Variants in TMEM130 observed in about 807,000 individuals in gnomAD.
The protein encoded by TMEM130 is transmembrane protein 130.
In TMEM130, 37 loss-of-function variants were observed where a neutral mutation model predicts 42.9. The ratio of observed to expected loss-of-function variants is 0.86; its 90% CI spans 0.66 to 1.13. The LOEUF (loss-of-function observed/expected upper bound fraction) is 1.13. Ranked by LOEUF, TMEM130 falls within the 50% of genes most tolerant of loss-of-function variation. The pLI, the probability that TMEM130 is intolerant of heterozygous loss-of-function variation, is 0.00. For missense variants in TMEM130, 545 were observed against 562.6 expected (o/e 0.97, Z 0.32); for synonymous variants, 259 against 237.7 (o/e 1.09, Z -0.82).
intron 3 of TMEM130, 50 bp from the exon 4 acceptor site, chr7:98,856,233 C>A (rs1554399007): frequency 6.3e-7 from 1 of 1,578,862 alleles, no homozygotes; most frequent in Admixed American, 1.7e-5. Context: ...ACGGTTGCTT[C>A]CCCTTCCTGT....
chr7:98,853,212 G>C (rs545932965), intron 5 of TMEM130, among the ~76,000 whole-genome samples: 1 of 152,024 alleles, frequency 6.6e-6, no homozygotes, highest in Non-Finnish European at 1.5e-5. Context: ...CCAAAGCCCC[G>C]TGAAAACTAC....
chr7:98,868,421 C>A (rs1397547873), intron 1 of TMEM130, among the ~76,000 whole-genome samples: 3 of 152,208 alleles, frequency 2.0e-5, no homozygotes, highest in Non-Finnish European at 4.4e-5. Flanking sequence ...CCTTTTCCAG[C>A]AACACAGCAT....
At chr7:98,855,605 G>T (rs543600873) in intron 4 of TMEM130, among the ~76,000 whole-genome samples, 1 of 152,182 alleles carries the variant, frequency 6.6e-6, no homozygotes, top group African/African-American at 2.4e-5. Context: ...GCACCATCCC[G>T]TCAGCAAGAA....
chr7:98,869,140 G>A lies in TMEM130; in HGVS notation c.85+637C>T. Reference sequence around the variant, plus strand: ...GAGAGGTGGGTGCTGGCTTTCTGGCGGTGGGGAAGTGGGGGCAGTAGACAC... The same window carrying A: ...GAGAGGTGGGTGCTGGCTTTCTGGCAGTGGGGAAGTGGGGGCAGTAGACAC... On this transcript the variant is annotated intron_variant, in intron 1 of 7. Transcript: ENST00000339375. The surrounding 1 kb of genome is among the most constrained non-coding windows in gnomAD (Gnocchi z 4.7). 3.2e-6 allele frequency: 4 copies of A among 1,244,548 alleles called. No homozygotes were observed. The highest frequency in any genetic ancestry group is 2.2e-4 in the Middle Eastern group (1 of 4,490). 77.1% of individuals were successfully genotyped at this position (1,244,548 alleles called of 1,614,324 possible). A position where few individuals can be genotyped will look rare whatever the true frequency, so the allele number is the denominator to read the frequency against.
intron 4 of TMEM130, 42 bp from the exon 5 acceptor site, chr7:98,855,366 A>T: frequency 6.4e-7 from 1 of 1,572,108 alleles, no homozygotes; most frequent in East Asian, 2.3e-5. Flanking sequence ...GTGGCTAAGG[A>T]TTGCTGTCGA....
chr7:98,860,027 C>G (rs1794725685), intron 3 of TMEM130, 152 bp downstream of exon 3: 1 of 566,334 alleles, frequency 1.8e-6, no homozygotes. Flanking sequence ...CAAGATGGTA[C>G]TACTGCACTC....
intron 7 of TMEM130, 138 bp from the exon 8 acceptor site, chr7:98,848,346 C>T: frequency 4.0e-6 from 4 of 1,003,274 alleles, no homozygotes; most frequent in South Asian, 3.2e-5. Flanking sequence ...CACAGAAACA[C>T]CTTTCTGGCA....
Position 98,860,164 on chromosome 7 carries a change from G to A in TMEM130, c.551+15C>T. ...CAGTGACAGCTGTAGGGCCTGCAGAGGGGTAAGGACCTACCCGTCCCCGAA... is the reference window on the plus strand; with the variant it reads ...CAGTGACAGCTGTAGGGCCTGCAGAAGGGTAAGGACCTACCCGTCCCCGAA... On this transcript the variant is annotated intron_variant, in intron 3 of 7. Transcript: ENST00000339375. 2 of 1,608,586 alleles carry A rather than the reference G, an allele frequency of 1.2e-6. No individual in the cohort carries two copies. The highest frequency in any genetic ancestry group is 1.3e-5 in the African/African-American group (1 of 75,016).
intron 7 of TMEM130, 120 bp from the exon 8 acceptor site, chr7:98,848,328 GCAGAGTGCACAGAAA>G: frequency 1.6e-6 from 2 of 1,227,722 alleles, no homozygotes; most frequent in Middle Eastern, 2.6e-4. Context: ...CTGCCTGGTG[GCAGAGTGCACAGAAA>G]CACCTTTCTG....
intron 3 of TMEM130, among the ~76,000 whole-genome samples, chr7:98,857,723 CTTTTT>C (rs781912154): frequency 4.9e-5 from 4 of 82,266 alleles, no homozygotes; most frequent in Admixed American, 1.3e-4. Flanking sequence ...AAAACACATC[CTTTTT>C]TTTTTTTTTT....
chr7:98,849,696 C>G (rs576309155), intron 6 of TMEM130, among the ~76,000 whole-genome samples: 1 of 152,278 alleles, frequency 6.6e-6, no homozygotes, highest in East Asian at 1.9e-4. Flanking sequence ...TTGGCATGAG[C>G]TTGGGAGCAC....
intron 6 of TMEM130, among the ~76,000 whole-genome samples, chr7:98,850,269 A>ATTTTTTTTTTTTTTTTTTTTT (rs1244635646): frequency 3.3e-5 from 1 of 30,168 alleles, no homozygotes; most frequent in African/African-American, 9.6e-5. Flanking sequence ...ATATATATAT[A>ATTTTTTTTTTTTTTTTTTTTT]TATATTTTTT....
At position 98,847,951 on chromosome 7, in the gene TMEM130, G is replaced by A; in HGVS notation, c.*105C>T. Reference sequence around the variant, plus strand: ...GATGGATGGATGATCCAGGCCAACAGCCCCACGCAAATGAACCCCTCCTGG... The same window carrying A: ...GATGGATGGATGATCCAGGCCAACAACCCCACGCAAATGAACCCCTCCTGG... On this transcript the variant is annotated 3_prime_UTR_variant, in exon 8 of 8. Transcript: ENST00000339375. 1.8e-6 allele frequency: 2 copies of A among 1,124,538 alleles called. No homozygotes were observed. The highest frequency in any genetic ancestry group is 2.6e-6 in the Non-Finnish European group (2 of 770,250). 69.7% of individuals were successfully genotyped at this position (1,124,538 alleles called of 1,614,324 possible).
intron 5 of TMEM130, among the ~76,000 whole-genome samples, chr7:98,854,263 A>G (rs1295382112): frequency 2.0e-5 from 3 of 152,064 alleles, no homozygotes; most frequent in African/African-American, 4.8e-5. Context: ...AAACATCTGG[A>G]CATGTGAAGG....
intron 1 of TMEM130, among the ~76,000 whole-genome samples, chr7:98,868,969 C>G: frequency 6.6e-6 from 1 of 152,128 alleles, no homozygotes; most frequent in East Asian, 1.9e-4. Flanking sequence ...CATTAGATCC[C>G]TTGCTCTCTC....
At chr7:98,852,502 C>G (rs946108160) in intron 5 of TMEM130, among the ~76,000 whole-genome samples, 2 of 152,146 alleles carry the variant, frequency 1.3e-5, no homozygotes, top group African/African-American at 4.8e-5. Context: ...CTCAAGTATT[C>G]TCCTGCCCCA....
At chr7:98,860,963 A>G (rs868982174) in intron 2 of TMEM130, among the ~76,000 whole-genome samples, 237 of 123,100 alleles carry the variant, frequency 1.9e-3, no homozygotes, top group Non-Finnish European at 2.3e-3. Context: ...AAAAAAAAAA[A>G]AAGAAGAAGG....
chr7:98,855,159 G>T, intron 5 of TMEM130, 81 bp downstream of exon 5: 1 of 1,301,208 alleles, frequency 7.7e-7, no homozygotes, highest in Non-Finnish European at 1.1e-6. Context: ...CTGTCACAGA[G>T]CAGAACAGAC....
chr7:98,855,701 C>T (rs758109250), intron 4 of TMEM130, among the ~76,000 whole-genome samples: 1 of 152,172 alleles, frequency 6.6e-6, no homozygotes, highest in African/African-American at 2.4e-5. Context: ...GGGTGAGCCT[C>T]GGTGGGAGGC....
Sources: allele counts gnomAD v4.1 joint callset (sites outside exome capture counted in the v4.1 genomes callset), GRCh38; gene constraint gnomAD v4.1.1; non-coding constraint Gnocchi (gnomAD v3.1); transcripts MANE v1.5; gene names NCBI Gene and HGNC (gene_info 2026-07-23, HGNC 2026-07-21).